The following PRKAA2 variants were observed in gnomAD, a reference collection of about 807,000 sequenced individuals.
The protein encoded by PRKAA2 is protein kinase AMP-activated catalytic subunit alpha 2, also known as 5'-AMP-activated protein kinase catalytic subunit alpha-2.
In PRKAA2, 40 loss-of-function variants were observed where a neutral mutation model predicts 56.3. The observed-to-expected ratio is 0.71, with a 90% CI of 0.55 to 0.92. The LOEUF (loss-of-function observed/expected upper bound fraction) is 0.92. Ranked by LOEUF, PRKAA2 falls within the 40% of genes least tolerant of loss-of-function variation. The pLI is 0.00. For missense variants in PRKAA2, 542 were observed against 686.9 expected, an observed-to-expected ratio of 0.79 and a Z score of 2.36; for synonymous variants, 214 against 234.2, an observed-to-expected ratio of 0.91 and a Z score of 0.79.
chr1:56,666,660 C>G (rs189898369), intron 1 of PRKAA2, among the ~76,000 whole-genome samples: 7 of 152,170 alleles, frequency 4.6e-5, no homozygotes, highest in African/African-American at 1.7e-4. Context: ...AAGCACAGTC[C>G]TTATGGGAAG....
chr1:56,695,862 T>C, intron 5 of PRKAA2, 73 bp from the exon 6 acceptor site: 2 of 1,243,802 alleles, frequency 1.6e-6, no homozygotes, highest in Admixed American at 1.8e-5. Context: ...AGACTACCTA[T>C]ATATAGAAGT....
intron 5 of PRKAA2, among the ~76,000 whole-genome samples, chr1:56,694,703 T>G (rs1449866289): frequency 6.6e-6 from 1 of 152,064 alleles, no homozygotes; most frequent in Non-Finnish European, 1.5e-5. Flanking sequence ...ATCCCATTCA[T>G]GAGAACTCTG....
At chr1:56,660,025 C>T (rs1470645439) in intron 1 of PRKAA2, among the ~76,000 whole-genome samples, 1 of 152,128 alleles carries the variant, frequency 6.6e-6, no homozygotes, top group Non-Finnish European at 1.5e-5. Flanking sequence ...TGTAAAATAG[C>T]CCATTTTCCT....
At chr1:56,663,418 T>G (rs1644010559) in intron 1 of PRKAA2, among the ~76,000 whole-genome samples, 1 of 152,230 alleles carries the variant, frequency 6.6e-6, no homozygotes, top group African/African-American at 2.4e-5. Flanking sequence ...TCCACTGTAC[T>G]TTAACTGGAC....
chr1:56,664,846 GTA>G (rs1173751741), intron 1 of PRKAA2, among the ~76,000 whole-genome samples: 1 of 128,874 alleles, frequency 7.8e-6, no homozygotes, highest in African/African-American at 2.9e-5. Flanking sequence ...GTATGCATAA[GTA>G]TATGTGTACA....
Position 56,668,430 on chromosome 1 carries a change from A to T in PRKAA2, c.95-5951A>T, listed in dbSNP as rs1214062720. The stretch of plus-strand genomic sequence containing the variant: ...AAAGTATAAAAAAAAAAAAAAAGAA[A>T]TACCACCTTCAGCACCTTGTCCAGT... On this transcript the variant is annotated intron_variant, in intron 1 of 8. Coordinates refer to ENST00000371244, the MANE Select transcript of PRKAA2 (RefSeq NM_006252.4). Among the ~76,000 whole-genome samples the T allele has an allele frequency of 1.3e-5, 2 of 151,478 alleles. 1 individual carries two copies. Among genetic ancestry groups the T allele is most frequent in the Non-Finnish European group, 2.9e-5 (2 of 67,860 alleles).
chr1:56,665,123 G>A (rs1436281193), intron 1 of PRKAA2, among the ~76,000 whole-genome samples: 13 of 148,606 alleles, frequency 8.7e-5, no homozygotes, highest in Non-Finnish European at 1.6e-4. Context: ...ATCCAGGCCA[G>A]AGTACAGTGG....
chr1:56,651,147 A>G (rs1309170818), intron 1 of PRKAA2, among the ~76,000 whole-genome samples: 1 of 152,174 alleles, frequency 6.6e-6, no homozygotes, highest in East Asian at 1.9e-4. Context: ...TTACAATGCT[A>G]TCATTAAACC....
intron 1 of PRKAA2, among the ~76,000 whole-genome samples, chr1:56,654,317 G>A (rs2100381556): frequency 6.6e-6 from 1 of 152,166 alleles, no homozygotes; most frequent in South Asian, 2.1e-4. Context: ...AAAGCATTTG[G>A]TACTGCTTTG....
intron 2 of PRKAA2, among the ~76,000 whole-genome samples, chr1:56,675,600 T>C (rs909598830): frequency 1.3e-5 from 2 of 152,162 alleles, no homozygotes; most frequent in Admixed American, 1.3e-4. Context: ...GAGAGTTATA[T>C]AAATTCCTTT....
chr1:56,682,990 G>A (rs1208735115), intron 2 of PRKAA2, among the ~76,000 whole-genome samples: 1 of 151,458 alleles, frequency 6.6e-6, no homozygotes, highest in Non-Finnish European at 1.5e-5. Flanking sequence ...TAGATGGAGA[G>A]AAATGGATGG....
At chr1:56,688,868 C>T (rs1273417674) in intron 2 of PRKAA2, among the ~76,000 whole-genome samples, 2 of 152,194 alleles carry the variant, frequency 1.3e-5, no homozygotes, top group Non-Finnish European at 2.9e-5. Context: ...CTTTTGATCT[C>T]ACCGAGTACA....
rs544231941 is a variant in PRKAA2, at chr1:56,714,033, C to T, written c.*6320C>T. On this transcript the variant is annotated 3_prime_UTR_variant, in exon 9 of 9. Transcript: ENST00000371244. The stretch of plus-strand genomic sequence containing the variant: ...CCTGATTGAGTTCCCTTGGTCAAAC[C>T]TCTCCCTATCACTATCAGAAGTTGT... The T allele has an allele frequency of 3.9e-5, 6 of 152,156 alleles. No homozygotes were observed. Among genetic ancestry groups the T allele is most frequent in the African/African-American group, 1.4e-4 (6 of 41,524 alleles). 9.4% of individuals were successfully genotyped at this position (152,156 alleles called of 1,614,324 possible). A position where few individuals can be genotyped will look rare whatever the true frequency, so the allele number is the denominator to read the frequency against.
At chr1:56,663,381 G>A (rs1644010339) in intron 1 of PRKAA2, among the ~76,000 whole-genome samples, 3 of 152,104 alleles carry the variant, frequency 2.0e-5, no homozygotes, top group South Asian at 4.1e-4. Context: ...GAGCCACTGC[G>A]CCTAGCCCAC....
intron 8 of PRKAA2, among the ~76,000 whole-genome samples, chr1:56,706,792 C>T (rs932095399): frequency 6.6e-6 from 1 of 152,126 alleles, no homozygotes; most frequent in Non-Finnish European, 1.5e-5. Flanking sequence ...TGGGATAAAA[C>T]CAGAATAAAC....
intron 1 of PRKAA2, among the ~76,000 whole-genome samples, chr1:56,664,124 C>T (rs777739146): frequency 6.6e-6 from 1 of 152,046 alleles, no homozygotes; most frequent in Non-Finnish European, 1.5e-5. Context: ...CTCTTCTTGT[C>T]CCTTCTTAAA....
intron 5 of PRKAA2, 31 bp downstream of exon 5, chr1:56,693,883 A>G (rs761625036): frequency 7.1e-7 from 1 of 1,415,066 alleles, no homozygotes; most frequent in South Asian, 1.3e-5. Flanking sequence ...AGCTTTTTGT[A>G]ATCTTGTGTT....
chr1:56,669,054 G>C (rs965304545), intron 1 of PRKAA2, among the ~76,000 whole-genome samples: 1 of 152,088 alleles, frequency 6.6e-6, no homozygotes, highest in African/African-American at 2.4e-5. Flanking sequence ...AGTTGGAAGG[G>C]GAATTAGCTT....
At chr1:56,652,273 AG>A (rs1643907947) in intron 1 of PRKAA2, among the ~76,000 whole-genome samples, 1 of 152,048 alleles carries the variant, frequency 6.6e-6, no homozygotes, top group East Asian at 1.9e-4. Flanking sequence ...AGCTTCCCAA[AG>A]TGCTGGGAGT....
Sources: gnomAD v4.1 joint callset for allele counts (sites outside exome capture counted in the v4.1 genomes callset) on GRCh38, gnomAD v4.1.1 for gene constraint, MANE v1.5 for transcripts, NCBI Gene and HGNC (gene_info 2026-07-23, HGNC 2026-07-21) for gene names.